Variants in FHIT observed in about 807,000 individuals in gnomAD.
FHIT encodes the protein fragile histidine triad diadenosine triphosphatase.
A neutral mutation model predicts 17.9 loss-of-function variants in FHIT; 19 were observed. The ratio of observed to expected loss-of-function variants is 1.06; its 90% confidence interval spans 0.74 to 1.56. The LOEUF (loss-of-function observed/expected upper bound fraction) is 1.56. Ranked by LOEUF, FHIT falls within the 40% of genes most tolerant of loss-of-function variation. The pLI is 0.00. For synonymous variants in FHIT, 81 were observed against 69.7 expected (o/e 1.16, Z -0.81); for missense variants, 248 against 189.2 (o/e 1.31, Z -1.82).
intron 8 of FHIT, among the ~76,000 whole-genome samples, chr3:59,839,904 G>A (rs938719940): frequency 6.6e-6 from 1 of 152,180 alleles, no homozygotes; most frequent in Non-Finnish European, 1.5e-5. Flanking sequence ...GAAGTGACAA[G>A]GTCCCTCAAG....
intron 3 of FHIT, among the ~76,000 whole-genome samples, chr3:60,947,058 A>C (rs1708673316): frequency 6.6e-6 from 1 of 152,218 alleles, no homozygotes; most frequent in Admixed American, 6.5e-5. Context: ...AGCATTCAGA[A>C]GACAAAATTC....
At chr3:60,894,805 T>C (rs782721706) in intron 3 of FHIT, among the ~76,000 whole-genome samples, 7 of 152,200 alleles carry the variant, frequency 4.6e-5, no homozygotes, top group African/African-American at 9.6e-5. Context: ...CCATTTGCTA[T>C]TATTTTGCCA....
At chr3:60,611,049 C>G (rs2038770535) in intron 4 of FHIT, among the ~76,000 whole-genome samples, 1 of 152,230 alleles carries the variant, frequency 6.6e-6, no homozygotes, top group Non-Finnish European at 1.5e-5. Flanking sequence ...CCATAAGGCT[C>G]TAGCCAAGGG....
intron 2 of FHIT, among the ~76,000 whole-genome samples, chr3:61,177,820 T>G (rs373358238): frequency 9.8e-4 from 150 of 152,334 alleles, no homozygotes; most frequent in African/African-American, 3.3e-3. Flanking sequence ...TGTAATTAGG[T>G]AGTCCAACAC....
chr3:60,232,031 T>C (rs764431660), intron 5 of FHIT, among the ~76,000 whole-genome samples: 22 of 152,110 alleles, frequency 1.4e-4, no homozygotes, highest in Middle Eastern at 3.2e-3. Context: ...TACATGCCAA[T>C]AACAGATGTC....
intron 5 of FHIT, among the ~76,000 whole-genome samples, chr3:60,057,080 TG>T (rs1184286923): frequency 2.0e-5 from 3 of 152,154 alleles, no homozygotes. Context: ...TTCTTTGTCC[TG>T]GGTGGAACTT....
intron 2 of FHIT, among the ~76,000 whole-genome samples, chr3:61,186,441 T>C (rs79865630): frequency 0.012 from 1,827 of 152,310 alleles, 41 homozygotes; most frequent in African/African-American, 0.042. Flanking sequence ...GAAGGAGGAA[T>C]ACAGTTAGTC....
intron 5 of FHIT, among the ~76,000 whole-genome samples, chr3:60,037,849 G>C (rs778106532): frequency 2.8e-4 from 42 of 151,966 alleles, no homozygotes; most frequent in Non-Finnish European, 5.1e-4. Flanking sequence ...AAGTAGCTGG[G>C]ACTACAGGTG....
intron 5 of FHIT, among the ~76,000 whole-genome samples, chr3:60,326,168 G>C (rs1042147767): frequency 6.6e-6 from 1 of 152,024 alleles, no homozygotes; most frequent in Non-Finnish European, 1.5e-5. Context: ...GGGGGGTGGT[G>C]ATGGTTTCAG....
intron 8 of FHIT, among the ~76,000 whole-genome samples, chr3:59,763,310 G>A (rs955268138): frequency 6.6e-6 from 1 of 152,212 alleles, no homozygotes; most frequent in Non-Finnish European, 1.5e-5. Flanking sequence ...ACTACAAGAT[G>A]CTACGCAAAC....
At chr3:59,833,691 T>C (rs1292578375) in intron 8 of FHIT, among the ~76,000 whole-genome samples, 1 of 152,200 alleles carries the variant, frequency 6.6e-6, no homozygotes, top group Non-Finnish European at 1.5e-5. Flanking sequence ...GAAATCACTA[T>C]TATACTCATG....
At chr3:60,055,384 A>G (rs925410621) in intron 5 of FHIT, among the ~76,000 whole-genome samples, 32 of 152,078 alleles carry the variant, frequency 2.1e-4, no homozygotes, top group African/African-American at 7.2e-4. Context: ...GCACTCTACT[A>G]TGAAAGACTC....
intron 5 of FHIT, among the ~76,000 whole-genome samples, chr3:60,066,023 C>T (rs1294149344): frequency 6.6e-6 from 1 of 152,216 alleles, no homozygotes; most frequent in South Asian, 2.1e-4. Flanking sequence ...AAAATACACC[C>T]CTATTTTTTT....
At chr3:60,449,241 A>G (rs1004720107) in intron 5 of FHIT, among the ~76,000 whole-genome samples, 25 of 152,284 alleles carry the variant, frequency 1.6e-4, no homozygotes, top group African/African-American at 6.0e-4. Context: ...AAAGAGAACC[A>G]GTGCCCCGGT....
At chr3:59,791,236 A>T (rs1378859833) in intron 8 of FHIT, among the ~76,000 whole-genome samples, 1 of 151,956 alleles carries the variant, frequency 6.6e-6, no homozygotes, top group Non-Finnish European at 1.5e-5. Context: ...CCTTCTGGCC[A>T]TGGTTATTGG....
At chr3:60,565,105 T>C (rs2037085672) in intron 4 of FHIT, among the ~76,000 whole-genome samples, 1 of 152,170 alleles carries the variant, frequency 6.6e-6, no homozygotes, top group South Asian at 2.1e-4. Flanking sequence ...TTGTTCACAT[T>C]TTTTAGCAAT....
intron 3 of FHIT, among the ~76,000 whole-genome samples, chr3:60,832,134 T>A (rs1702353736): frequency 6.6e-6 from 1 of 151,966 alleles, no homozygotes; most frequent in South Asian, 2.1e-4. Context: ...ATCTAAACAT[T>A]TTTTTCCCCA....
At chr3:60,744,268 C>CAAAAAAAAAAAAAAACAAAAAAAAAA (rs2042305994) in intron 4 of FHIT, among the ~76,000 whole-genome samples, 2 of 80,084 alleles carry the variant, frequency 2.5e-5, no homozygotes, top group Non-Finnish European at 2.4e-5. Context: ...CAAAACAAAA[C>CAAAAAAAAAAAAAAACAAAAAAAAAA]AAAAAAAAAA....
chr3:60,063,631 T>C (rs1327922369), intron 5 of FHIT, among the ~76,000 whole-genome samples: 1 of 152,158 alleles, frequency 6.6e-6, no homozygotes, highest in African/African-American at 2.4e-5. Flanking sequence ...TTCTGTCTGG[T>C]TGTTGAGAGA....
Sources: allele counts gnomAD v4.1 joint callset (sites outside exome capture counted in the v4.1 genomes callset), GRCh38; gene constraint gnomAD v4.1.1; transcripts MANE v1.5; gene names NCBI Gene and HGNC (gene_info 2026-07-23, HGNC 2026-07-21).